Variants in WDR12 observed in about 807,000 individuals in gnomAD.
The protein encoded by WDR12 is ribosome biogenesis protein WDR12.
A neutral mutation model predicts 64.3 loss-of-function variants in WDR12; 42 were observed. That is an observed-to-expected ratio of 0.65 (90% CI 0.51 to 0.84). The LOEUF is 0.84. Ranked by LOEUF, WDR12 falls within the 40% of genes least tolerant of loss-of-function variation. The pLI is 0.00. For missense variants in WDR12, 469 were observed against 494.6 expected, an observed-to-expected ratio of 0.95 and a Z score of 0.49; for synonymous variants, 158 against 173.3, an observed-to-expected ratio of 0.91 and a Z score of 0.70.
chr2:202,898,433 G>A (rs1688291467), intron 4 of WDR12, among the ~76,000 whole-genome samples: 1 of 152,220 alleles, frequency 6.6e-6, no homozygotes, highest in African/African-American at 2.4e-5. Flanking sequence ...TTACAGGCGT[G>A]AGCCACGCGC....
Position 202,879,696 on chromosome 2 carries a change from T to G in WDR12, c.*1164A>C, listed in dbSNP as rs925601314. 4 of 151,972 alleles carry G rather than the reference T, an allele frequency of 2.6e-5. No individual in the cohort carries two copies. The highest frequency in any genetic ancestry group is 6.6e-5 in the Admixed American group (1 of 15,230). 9.4% of individuals were successfully genotyped at this position (151,972 alleles called of 1,614,324 possible). On this transcript the variant is annotated 3_prime_UTR_variant, in exon 13 of 13. Coordinates refer to ENST00000261015, the MANE Select transcript of WDR12 (RefSeq NM_018256.4). ...AGCCGCCTGCCTTGGCCACCCAAAA[T>G]GCTGGGATTACAAGCATGAGCCACC...
At chr2:202,891,214 C>T (rs1559160241) in intron 8 of WDR12, among the ~76,000 whole-genome samples, 3 of 152,146 alleles carry the variant, frequency 2.0e-5, no homozygotes, top group African/African-American at 7.2e-5. Flanking sequence ...CTCTGTTGCT[C>T]AGGCTAGAGT....
chr2:202,887,627 G>A lies in WDR12; in HGVS notation c.742-3092C>T, dbSNP rs192709224. The stretch of plus-strand genomic sequence containing the variant: ...TGGTAGGCCGGGCGCGGTGGCTCAC[G>A]CCTGTAATCCCAGCACTTTGGGAGG... On this transcript the variant is annotated intron_variant, in intron 8 of 12. Transcript: ENST00000261015. 7.4e-3 allele frequency among the ~76,000 whole-genome samples: 1,129 copies of A among 152,076 alleles called. 5 individuals are homozygous for A. The highest frequency in any genetic ancestry group is 0.011 in the Admixed American group (172 of 15,270).
chr2:202,909,089 G>A (rs1016453107), intron 1 of WDR12, among the ~76,000 whole-genome samples: 1 of 152,192 alleles, frequency 6.6e-6, no homozygotes, highest in African/African-American at 2.4e-5. Context: ...ATTGCTGGCA[G>A]TAACGTAAAA....
intron 2 of WDR12, among the ~76,000 whole-genome samples, chr2:202,903,336 T>C (rs1453783515): frequency 6.6e-6 from 1 of 152,190 alleles, no homozygotes; most frequent in Admixed American, 6.5e-5. Flanking sequence ...CCATACTAAA[T>C]GGGGAAAAAA....
intron 12 of WDR12, 39 bp from the exon 13 acceptor site, chr2:202,880,976 AAAT>A (rs1559157512): frequency 6.6e-7 from 1 of 1,507,660 alleles, no homozygotes; most frequent in East Asian, 2.4e-5. Context: ...AAACATAAAT[AAAT>A]ATAATTATTT....
intron 4 of WDR12, among the ~76,000 whole-genome samples, chr2:202,899,313 G>A (rs1275966143): frequency 6.6e-6 from 1 of 151,864 alleles, no homozygotes; most frequent in African/African-American, 2.4e-5. Flanking sequence ...CAAAGTGCTG[G>A]GATTACAGGC....
intron 11 of WDR12, 100 bp downstream of exon 11, chr2:202,883,509 T>G: frequency 7.3e-7 from 1 of 1,361,292 alleles, no homozygotes; most frequent in South Asian, 1.5e-5. Context: ...CCATGAGGCT[T>G]TTTTTACTCT....
intron 8 of WDR12, 96 bp downstream of exon 8, chr2:202,892,521 C>A: frequency 1.3e-6 from 1 of 761,064 alleles, no homozygotes; most frequent in Non-Finnish European, 2.1e-6. Flanking sequence ...CAAGGTAAGA[C>A]AGAAGGCAAC....
At chr2:202,893,141 T>C (rs902775306) in intron 7 of WDR12, among the ~76,000 whole-genome samples, 5 of 152,252 alleles carry the variant, frequency 3.3e-5, no homozygotes, top group African/African-American at 9.6e-5. Flanking sequence ...CTACCAAAAA[T>C]GTTTCTGGTT....
intron 8 of WDR12, 100 bp downstream of exon 8, chr2:202,892,516 TA>T: frequency 2.8e-6 from 2 of 714,964 alleles, no homozygotes; most frequent in Non-Finnish European, 4.6e-6. Context: ...AGCAGCAAGG[TA>T]AGACAGAAGG....
intron 7 of WDR12, 113 bp from the exon 8 acceptor site, chr2:202,892,815 G>T (rs1688177711): frequency 5.1e-6 from 3 of 589,900 alleles, no homozygotes; most frequent in African/African-American, 1.9e-5. Context: ...ACACAGTTAG[G>T]GAATGAATAT....
rs1414359631 is a variant in WDR12 at position 202,878,089 on chromosome 2, A to G, written c.*2771T>C. On this transcript the variant is annotated 3_prime_UTR_variant, in exon 13 of 13. Transcript: ENST00000261015. ...ATCAGAGACAATACTTGTCCAAGAGACTTGGTCACTTACATTATATCTATC... is the reference window on the plus strand; with the variant it reads ...ATCAGAGACAATACTTGTCCAAGAGGCTTGGTCACTTACATTATATCTATC... 6.6e-6 allele frequency: 1 copy of G among 152,158 alleles called. No homozygotes were observed. Among genetic ancestry groups the G allele is most frequent in the African/African-American group, 2.4e-5 (1 of 41,410 alleles). 9.4% of individuals were successfully genotyped at this position (152,158 alleles called of 1,614,324 possible). A position where few individuals can be genotyped will look rare whatever the true frequency, so the allele number is the denominator to read the frequency against.
chr2:202,908,099 A>G (rs1688496013), intron 1 of WDR12, 140 bp from the exon 2 acceptor site: 1 of 752,948 alleles, frequency 1.3e-6, no homozygotes, highest in Admixed American at 2.2e-5. Context: ...ACAAAAATGA[A>G]TTAAAACATG....
intron 3 of WDR12, among the ~76,000 whole-genome samples, chr2:202,899,945 G>A (rs895711042): frequency 1.3e-5 from 2 of 152,074 alleles, no homozygotes; most frequent in African/African-American, 4.8e-5. Flanking sequence ...AGGCAACAAA[G>A]CAAGACCCTG....
At chr2:202,891,374 T>C (rs1182287192) in intron 8 of WDR12, among the ~76,000 whole-genome samples, 2 of 152,130 alleles carry the variant, frequency 1.3e-5, no homozygotes, top group African/African-American at 2.4e-5. Context: ...GCTCTCAAAC[T>C]CCTGAGCTCA....
Position 202,892,637 on chromosome 2 carries a change from C to A in WDR12, c.721G>T (p.Glu241Ter). 6.2e-7 allele frequency: 1 copy of A among 1,613,122 alleles called. No individual in the cohort carries two copies. The highest frequency in any genetic ancestry group is 8.5e-7 in the Non-Finnish European group (1 of 1,179,382). The part of the protein sequence containing the change: ...TNRPRKKQKT[E>*]QLGLTRTPIV... ...CTGACCCTTGTTAGTCCCAACTGTT[C>A]TGTCTTCTGTTTCTTTCTTGGTCGA... is the stretch of plus-strand genomic sequence containing the variant. Residue 241 changes from glutamate to a stop codon, truncating the protein, a stop_gained, in exon 8 of 13, where the codon GAA (glutamate) becomes TAA (stop). Transcript: ENST00000261015. LOFTEE classifies it high-confidence loss of function.
intron 2 of WDR12, 124 bp downstream of exon 2, chr2:202,907,741 T>A (rs1688484297): frequency 1.4e-6 from 1 of 712,372 alleles, no homozygotes; most frequent in East Asian, 2.8e-5. Flanking sequence ...CTGTACTTTA[T>A]AACTTACAAA....
chr2:202,896,374 A>G (rs1688242531), intron 5 of WDR12, among the ~76,000 whole-genome samples, 155 bp from the exon 6 acceptor site: 1 of 152,244 alleles, frequency 6.6e-6, no homozygotes, highest in Non-Finnish European at 1.5e-5. Context: ...CTGATGTGGT[A>G]TAAAGAAAAG....
Sources: gnomAD v4.1 joint callset for allele counts (sites outside exome capture counted in the v4.1 genomes callset) on GRCh38, gnomAD v4.1.1 for gene constraint, MANE v1.5 for transcripts, NCBI Gene and HGNC (gene_info 2026-07-23, HGNC 2026-07-21) for gene names.